Variants in SLC2A9 observed in about 807,000 individuals in gnomAD.
SLC2A9 encodes solute carrier family 2 member 9.
Under a neutral mutation model 50.6 loss-of-function variants are expected in SLC2A9, and 39 were observed. The observed-to-expected ratio is 0.77, with a 90% CI of 0.60 to 1.01. The LOEUF is 1.01. SLC2A9 is among the 50% of genes least tolerant of loss of function. The pLI, the probability that SLC2A9 is intolerant of heterozygous loss-of-function variation, is 0.00. For missense variants in SLC2A9, 686 were observed against 677.6 expected (o/e 1.01, Z -0.14); for synonymous variants, 324 against 276.9 (o/e 1.17, Z -1.69).
At chr4:9,913,326 TGTGTGAGAGAGAGA>T (rs1367904757) in intron 7 of SLC2A9, among the ~76,000 whole-genome samples, 1 of 129,772 alleles carries the variant, frequency 7.7e-6, no homozygotes, top group African/African-American at 3.2e-5. Context: ...TGTGTGTGTG[TGTGTGAGAGAGAGA>T]GAGAGAGAGA....
chr4:9,983,705 G>A (rs1331831210), intron 4 of SLC2A9, among the ~76,000 whole-genome samples: 1 of 152,222 alleles, frequency 6.6e-6, no homozygotes, highest in Non-Finnish European at 1.5e-5. Flanking sequence ...CAGGAAAATG[G>A]TTACTATTTG....
chr4:9,913,254 T>C (rs915211588), intron 7 of SLC2A9, among the ~76,000 whole-genome samples: 67 of 152,068 alleles, frequency 4.4e-4, no homozygotes, highest in Non-Finnish European at 8.7e-4. Flanking sequence ...AAAACTAATA[T>C]ATACTGGATA....
At chr4:9,986,825 TCAAATACC>T (rs1756802634) in intron 3 of SLC2A9, among the ~76,000 whole-genome samples, 1 of 152,194 alleles carries the variant, frequency 6.6e-6, no homozygotes, top group Admixed American at 6.5e-5. Context: ...ACCTCATGGT[TCAAATACC>T]TGACTTGTTT....
In SLC2A9 at chr4:9,842,925, A is replaced by G. The variant is rs117338407; in HGVS notation, c.1292-7917T>C. ...GCAGGGAAGAGTGCAGGGAGGTGAA[A>G]GAGGTGGATAAGGGCTATGTTATTA... is the stretch of plus-strand genomic sequence containing the variant. On this transcript the variant is annotated intron_variant, in intron 10 of 11. Transcript: ENST00000264784. Among the ~76,000 whole-genome samples the G allele has an allele frequency of 5.3e-5, 8 of 152,220 alleles. No individual in the cohort carries two copies. In the East Asian group the frequency reaches 1.5e-3, roughly 29 times the overall value.
intron 5 of SLC2A9, among the ~76,000 whole-genome samples, chr4:9,978,269 T>A (rs1354512655): frequency 6.6e-6 from 1 of 152,100 alleles, no homozygotes; most frequent in Non-Finnish European, 1.5e-5. Flanking sequence ...AGCTCCAGAA[T>A]CAACTCAATG....
intron 8 of SLC2A9, among the ~76,000 whole-genome samples, chr4:9,900,614 A>G (rs1009248154): frequency 3.9e-5 from 6 of 152,108 alleles, no homozygotes; most frequent in Admixed American, 2.0e-4. Flanking sequence ...ATAACCTGTC[A>G]TAACCAGAAG....
At chr4:9,852,452 C>T (rs1166925106) in intron 10 of SLC2A9, among the ~76,000 whole-genome samples, 6 of 151,748 alleles carry the variant, frequency 4.0e-5, no homozygotes, top group African/African-American at 1.2e-4. Context: ...CGGGGTTTCA[C>T]CTTGTTAGCC....
chr4:9,854,038 A>C (rs1338000277), intron 10 of SLC2A9, among the ~76,000 whole-genome samples: 1 of 152,190 alleles, frequency 6.6e-6, no homozygotes, highest in Non-Finnish European at 1.5e-5. Flanking sequence ...CCCACATCAA[A>C]AAGTTAGAAA....
At chr4:9,851,121 T>A (rs3960679) in intron 10 of SLC2A9, among the ~76,000 whole-genome samples, 3 of 152,140 alleles carry the variant, frequency 2.0e-5, no homozygotes, top group Non-Finnish European at 2.9e-5. Context: ...GCTGGCACAC[T>A]TGAGCGAGCA....
chr4:9,921,904 G>A (rs2110094120), intron 6 of SLC2A9, among the ~76,000 whole-genome samples: 1 of 152,098 alleles, frequency 6.6e-6, no homozygotes, highest in South Asian at 2.1e-4. Flanking sequence ...TATAAAATAA[G>A]GATAACTTCA....
intron 10 of SLC2A9, among the ~76,000 whole-genome samples, chr4:9,881,811 G>C (rs1735265700): frequency 6.6e-6 from 1 of 152,196 alleles, no homozygotes; most frequent in Non-Finnish European, 1.5e-5. Flanking sequence ...GACTGAACTA[G>C]AACATCTTTA....
chr4:10,021,589 T>G (rs1763509806), upstream of SLC2A9: 17 of 1,053,158 alleles, frequency 1.6e-5, no homozygotes, highest in Non-Finnish European at 2.3e-5. Context: ...GGGCAACATT[T>G]TTTTCTCTGC....
At chr4:9,841,018 A>C (rs1183013619) in intron 10 of SLC2A9, among the ~76,000 whole-genome samples, 1 of 152,170 alleles carries the variant, frequency 6.6e-6, no homozygotes, top group Non-Finnish European at 1.5e-5. Context: ...TACTCCCATG[A>C]TTCAATCACC....
chr4:9,972,348 T>G (rs1754037508), intron 5 of SLC2A9, among the ~76,000 whole-genome samples: 1 of 152,064 alleles, frequency 6.6e-6, no homozygotes. Context: ...TCTTTATCTT[T>G]GCAAGAGAAA....
chr4:9,927,729 G>A (rs939944904), intron 6 of SLC2A9, among the ~76,000 whole-genome samples: 1 of 152,184 alleles, frequency 6.6e-6, no homozygotes, highest in Non-Finnish European at 1.5e-5. Flanking sequence ...TGTAGGAGGA[G>A]ATATTGGAGC....
rs200722853 is a variant in SLC2A9, at chr4:9,854,000, T to TA, written c.1292-18993dup. 6.2e-3 allele frequency among the ~76,000 whole-genome samples: 920 copies of TA among 149,100 alleles called. 9 individuals are homozygous for TA. The highest frequency in any genetic ancestry group is 0.021 in the African/African-American group (849 of 40,652). On this transcript the variant is annotated intron_variant, in intron 10 of 11. Transcript: ENST00000264784. ...CTCTGGGACACAGCTAAAACAGTGTTAAAAAAAAAAGTTCACAGTGCTAAA... is the reference window on the plus strand; with the variant it reads ...CTCTGGGACACAGCTAAAACAGTGTTAAAAAAAAAAAGTTCACAGTGCTAAA...
At chr4:9,958,377 C>G (rs1189545599) in intron 5 of SLC2A9, among the ~76,000 whole-genome samples, 1 of 152,124 alleles carries the variant, frequency 6.6e-6, no homozygotes, top group Non-Finnish European at 1.5e-5. Context: ...TCATCCTCAG[C>G]AAACTAACAA....
intron 10 of SLC2A9, among the ~76,000 whole-genome samples, chr4:9,868,082 G>A (rs1025306163): frequency 6.6e-6 from 1 of 152,224 alleles, no homozygotes; most frequent in African/African-American, 2.4e-5. Context: ...AGATCCCCAA[G>A]TGGTGGATTT....
intron 1 of SLC2A9, among the ~76,000 whole-genome samples, chr4:10,039,003 C>T (rs568820623): frequency 6.6e-6 from 1 of 152,320 alleles, no homozygotes; most frequent in South Asian, 2.1e-4. Flanking sequence ...CAGCCGTAGA[C>T]AATGGTTAAA....
Sources: allele counts gnomAD v4.1 joint callset (sites outside exome capture counted in the v4.1 genomes callset), GRCh38; gene constraint gnomAD v4.1.1; transcripts MANE v1.5; gene names NCBI Gene and HGNC (gene_info 2026-07-23, HGNC 2026-07-21).